The following TRMT2B variants were observed in gnomAD, a reference collection of about 807,000 sequenced individuals.
The protein encoded by TRMT2B is tRNA (uracil-5-)-methyltransferase homolog B.
In TRMT2B, 34 loss-of-function variants were observed where a neutral mutation model predicts 39.7. That is an observed-to-expected ratio of 0.86 (90% CI 0.65 to 1.14). The LOEUF is 1.14. TRMT2B is among the 50% of genes most tolerant of loss of function. The pLI, the probability that TRMT2B is intolerant of heterozygous loss-of-function variation, is 0.00. For synonymous variants in TRMT2B, 132 were observed against 137.3 expected (o/e 0.96, Z 0.27); for missense variants, 318 against 377.2 (o/e 0.84, Z 1.30).
chrX:101,032,067 T>C (rs1172457003), intron 7 of TRMT2B, among the ~76,000 whole-genome samples: 1 of 108,990 alleles, frequency 9.2e-6, no homozygotes, highest in Non-Finnish European at 1.9e-5. Flanking sequence ...GGGTAGATCA[T>C]TTGAGGTCAG....
chrX:101,042,751 TTGGTTC>T (rs1326428313), intron 2 of TRMT2B, among the ~76,000 whole-genome samples: 4 of 111,657 alleles, frequency 3.6e-5, no homozygotes, highest in African/African-American at 1.3e-4. Context: ...CACAGTATGC[TTGGTTC>T]CTGATGAGTG....
chrX:100,993,865 C>T, the TRMT2B span, among the ~76,000 whole-genome samples: 1 of 111,693 alleles, frequency 9.0e-6, no homozygotes, highest in African/African-American at 3.3e-5. Flanking sequence ...CAGGCAATTT[C>T]CCCCAGTGAA....
the TRMT2B span, among the ~76,000 whole-genome samples, chrX:100,989,051 T>C: frequency 1.8e-5 from 2 of 109,317 alleles, no homozygotes; most frequent in Non-Finnish European, 3.8e-5. Context: ...CAATGGAGAA[T>C]GGCTAAATAA....
chrX:100,996,091 T>TA, the TRMT2B span, among the ~76,000 whole-genome samples: 2 of 112,094 alleles, frequency 1.8e-5, no homozygotes, highest in African/African-American at 6.5e-5. Flanking sequence ...AACTGAATAC[T>TA]AAGGGGGCTG....
intron 10 of TRMT2B, 83 bp from the exon 11 acceptor site, chrX:101,020,671 A>AGTTT: frequency 3.8e-6 from 3 of 788,417 alleles, no homozygotes; most frequent in Non-Finnish European, 5.8e-6. Flanking sequence ...AGTTTAGTTT[A>AGTTT]GTTTGTTTGT....
the TRMT2B span, chrX:100,973,527 A>G: frequency 1.0e-6 from 1 of 955,717 alleles, no homozygotes; most frequent in Non-Finnish European, 1.4e-6. Context: ...TATGACATTT[A>G]TAGACACAGT....
At chrX:101,040,083 C>T (rs760691586) in intron 4 of TRMT2B, among the ~76,000 whole-genome samples, 3 of 109,021 alleles carry the variant, frequency 2.8e-5, no homozygotes, top group Non-Finnish European at 5.7e-5. Flanking sequence ...CACCTGAGGT[C>T]GGGAGTTCAA....
the TRMT2B span, among the ~76,000 whole-genome samples, chrX:101,003,215 C>G: frequency 1.8e-5 from 2 of 108,876 alleles, no homozygotes; most frequent in African/African-American, 3.4e-5. Context: ...TGCATCTGAC[C>G]AAAATAAATT....
chrX:101,012,789 T>A (rs1386981701), intron 13 of TRMT2B, among the ~76,000 whole-genome samples: 1 of 110,329 alleles, frequency 9.1e-6, no homozygotes, highest in Non-Finnish European at 1.9e-5. Context: ...GTTCATGTCC[T>A]TTGTAGGGAC....
At chrX:100,996,189 T>C in the TRMT2B span, among the ~76,000 whole-genome samples, 1 of 112,044 alleles carries the variant, frequency 8.9e-6, no homozygotes, top group East Asian at 2.8e-4. Flanking sequence ...AAATATCGTA[T>C]GTTCTCACTC....
the TRMT2B span, among the ~76,000 whole-genome samples, chrX:100,982,544 CT>C: frequency 9.1e-6 from 1 of 109,733 alleles, no homozygotes; most frequent in Non-Finnish European, 1.9e-5. Context: ...ACAGTGGATA[CT>C]GAGAACCAAT....
intron 2 of TRMT2B, among the ~76,000 whole-genome samples, chrX:101,047,139 T>C (rs2088728788): frequency 9.6e-6 from 1 of 104,125 alleles, no homozygotes; most frequent in African/African-American, 3.6e-5. Flanking sequence ...GCTGAGGTGG[T>C]AGCATCACTT....
chrX:101,051,296 C>T lies in TRMT2B; in HGVS notation c.-69G>A. The T allele has an allele frequency of 5.3e-6, 4 of 753,877 alleles. No individual in the cohort carries two copies. The highest frequency in any genetic ancestry group is 6.8e-5 in the South Asian group (1 of 14,804). The allele number at this position is 753,877 out of a possible 1,213,427, so 62.1% of individuals were successfully genotyped here. A position where few individuals can be genotyped will look rare whatever the true frequency, so the allele number is the denominator to read the frequency against. On this transcript the variant is annotated 5_prime_UTR_variant, in exon 2 of 14. Transcript: ENST00000372936. Reference sequence around the variant, plus strand: ...CTTTTGGAGCAAAATGTTCACCCACCGACAAGGGTCCTGCTTGCACTCTCT... The same window carrying T: ...CTTTTGGAGCAAAATGTTCACCCACTGACAAGGGTCCTGCTTGCACTCTCT...
At chrX:100,989,254 C>T in the TRMT2B span, among the ~76,000 whole-genome samples, 2 of 111,223 alleles carry the variant, frequency 1.8e-5, no homozygotes, top group South Asian at 3.8e-4. Flanking sequence ...CTGAAAGATA[C>T]TAGGTGGTTG....
intron 3 of TRMT2B, 147 bp from the exon 4 acceptor site, chrX:101,041,518 T>A: frequency 2.0e-6 from 1 of 510,134 alleles, no homozygotes; most frequent in Non-Finnish European, 3.2e-6. Context: ...GTTGTCTACT[T>A]AACAAAGCAG....
chrX:100,983,317 C>T, the TRMT2B span, among the ~76,000 whole-genome samples: 7 of 110,479 alleles, frequency 6.3e-5, no homozygotes, highest in South Asian at 3.9e-4. Context: ...AAGCTTTTCT[C>T]GATGCAGGAA....
intron 13 of TRMT2B, among the ~76,000 whole-genome samples, chrX:101,015,369 T>C (rs11796909): frequency 0.18 from 20,361 of 111,221 alleles, 1,474 homozygotes; most frequent in Middle Eastern, 0.21. Context: ...ACAGGGTTAG[T>C]ACTCAATTTA....
the TRMT2B span, chrX:100,986,674 T>C: frequency 2.2e-6 from 1 of 447,247 alleles, no homozygotes. Context: ...ACCTAATTCC[T>C]GGATATGTAG....
intron 1 of TRMT2B, 39 bp from the exon 2 acceptor site, chrX:101,051,772 T>C: frequency 1.5e-6 from 1 of 655,587 alleles, no homozygotes; most frequent in Non-Finnish European, 1.8e-6. Flanking sequence ...CCGGGCTATT[T>C]ATCCACCTTA....
Sources: gnomAD v4.1 joint callset for allele counts (sites outside exome capture counted in the v4.1 genomes callset) on GRCh38, gnomAD v4.1.1 for gene constraint, MANE v1.5 for transcripts, NCBI Gene and HGNC (gene_info 2026-07-23, HGNC 2026-07-21) for gene names.